The following FYB2 variants were observed in gnomAD, a reference collection of about 807,000 sequenced individuals.
FYB2 encodes FYN-binding protein 2.
In FYB2, 103 loss-of-function variants were observed where a neutral mutation model predicts 94.1. The ratio of observed to expected loss-of-function variants is 1.09; its 90% confidence interval spans 0.93 to 1.29. The LOEUF is 1.29. Ranked by LOEUF, FYB2 falls within the 50% of genes most tolerant of loss-of-function variation. FYB2 has a pLI of 0.00. For missense variants in FYB2, 896 were observed against 841.5 expected, an observed-to-expected ratio of 1.06 and a Z score of -0.80; for synonymous variants, 293 against 287.9, an observed-to-expected ratio of 1.02 and a Z score of -0.18.
At chr1:56,766,036 T>C (rs1208467091) in intron 5 of FYB2, among the ~76,000 whole-genome samples, 2 of 152,180 alleles carry the variant, frequency 1.3e-5, no homozygotes, top group Non-Finnish European at 2.9e-5. Flanking sequence ...CTGTGAATTC[T>C]TAGCCTTGTA....
intron 15 of FYB2, among the ~76,000 whole-genome samples, chr1:56,728,492 C>A (rs1569864557): frequency 6.6e-6 from 1 of 151,928 alleles, no homozygotes; most frequent in East Asian, 1.9e-4. Context: ...AGAAAACAGA[C>A]CATTACAATT....
rs749019083 is a variant in FYB2 at position 56,767,871 on chromosome 1, CAG to C, written c.1019_1020del (p.Ser340TrpfsTer5). On this transcript the variant is annotated frameshift_variant, in exon 5 of 20. Transcript: ENST00000343433. LOFTEE classifies it high-confidence loss of function. ...YEATISYLRH[S>X]GNSINLCTAK... The stretch of plus-strand genomic sequence containing the variant: ...GCAGTGCACAGGTTAATGGAGTTGC[CAG>C]AGTGTCTCAGATATGAAATTGTTGC... 6 of 1,612,350 alleles carry C rather than the reference CAG, an allele frequency of 3.7e-6. No homozygotes were observed. Among genetic ancestry groups the C allele is most frequent in the Non-Finnish European group, 5.1e-6 (6 of 1,179,294 alleles).
chr1:56,814,380 A>G (rs1451206406), intron 1 of FYB2, among the ~76,000 whole-genome samples: 2 of 152,190 alleles, frequency 1.3e-5, no homozygotes, highest in East Asian at 1.9e-4. Flanking sequence ...CCCCAGGGGA[A>G]ATGTGGGTGT....
In FYB2 at chr1:56,767,796, G is replaced by T; in HGVS notation, c.1063+33C>A. The stretch of plus-strand genomic sequence containing the variant: ...TTTTGACACATTTTCATTCCACACA[G>T]GGTTACACTATTAATTGGCTTAGCA... On this transcript the variant is annotated intron_variant, in intron 5 of 19. Transcript: ENST00000343433. 1 of 1,463,726 alleles carries T rather than the reference G, an allele frequency of 6.8e-7. No individual in the cohort carries two copies. Among genetic ancestry groups the T allele is most frequent in the South Asian group, 1.2e-5 (1 of 84,836 alleles). The allele number at this position is 1,463,726 out of a possible 1,614,324, so 90.7% of individuals were successfully genotyped here. A position where few individuals can be genotyped will look rare whatever the true frequency, so the allele number is the denominator to read the frequency against.
At chr1:56,728,660 A>G (rs1644637191) in intron 15 of FYB2, among the ~76,000 whole-genome samples, 1 of 152,148 alleles carries the variant, frequency 6.6e-6, no homozygotes, top group African/African-American at 2.4e-5. Flanking sequence ...AGGTAGAACT[A>G]TTCTTTTCTT....
chr1:56,735,589 C>A (rs1448565512), intron 15 of FYB2, among the ~76,000 whole-genome samples: 1 of 152,046 alleles, frequency 6.6e-6, no homozygotes, highest in African/African-American at 2.4e-5. Context: ...GAATTGTAAT[C>A]CCCATGTGTC....
At chr1:56,801,287 A>T (rs1646513395) in intron 1 of FYB2, among the ~76,000 whole-genome samples, 3 of 152,104 alleles carry the variant, frequency 2.0e-5, no homozygotes, top group African/African-American at 7.2e-5. Context: ...TTCTTAGCTC[A>T]TCACTGCTGC....
chr1:56,775,441 T>C (rs1397551452), intron 4 of FYB2, among the ~76,000 whole-genome samples: 2 of 152,158 alleles, frequency 1.3e-5, no homozygotes, highest in East Asian at 3.9e-4. Context: ...ATCTCATTCA[T>C]AAGGCAGGCA....
At chr1:56,816,945 C>G (rs955782716) in intron 1 of FYB2, among the ~76,000 whole-genome samples, 1 of 151,914 alleles carries the variant, frequency 6.6e-6, no homozygotes, top group Non-Finnish European at 1.5e-5. Context: ...CCACTTCTAG[C>G]CACTTCATTG....
chr1:56,750,703 G>A (rs6696458), intron 9 of FYB2, among the ~76,000 whole-genome samples: 31,313 of 151,836 alleles, frequency 0.21, 3,567 homozygotes, highest in East Asian at 0.41. Flanking sequence ...CATTTGCTGA[G>A]TACCTATCAT....
chr1:56,798,483 CAGA>C (rs1646450712), intron 1 of FYB2, among the ~76,000 whole-genome samples: 1 of 152,236 alleles, frequency 6.6e-6, no homozygotes, highest in African/African-American at 2.4e-5. Flanking sequence ...ATTGCTATTT[CAGA>C]AGAATGGAGA....
intron 14 of FYB2, 151 bp downstream of exon 14, chr1:56,738,474 A>AC: frequency 1.3e-6 from 1 of 788,274 alleles, no homozygotes; most frequent in East Asian, 2.7e-5. Flanking sequence ...AAAGTAAAAA[A>AC]ATACTTCCGT....
chr1:56,805,006 T>A (rs1043489864), intron 1 of FYB2, among the ~76,000 whole-genome samples: 7 of 152,198 alleles, frequency 4.6e-5, no homozygotes, highest in African/African-American at 1.7e-4. Context: ...CTGCTTTTCT[T>A]TGCCTGGCTA....
In FYB2 at chr1:56,774,701, A is replaced by C. The variant is rs141783604; in HGVS notation, c.954-6763T>G. Among the ~76,000 whole-genome samples, 76 of 152,254 alleles carry C rather than the reference A, an allele frequency of 5.0e-4. 1 individual carries two copies. The East Asian group carries it at 0.014, about 28-fold the overall frequency. ...TCGACTTGATTGGATTGAAGGATGC[A>C]AAGTATTGTGCCAGGGTGTGTCTGT... On this transcript the variant is annotated intron_variant, in intron 4 of 19. Transcript: ENST00000343433.
intron 4 of FYB2, among the ~76,000 whole-genome samples, chr1:56,771,621 G>T (rs954568487): frequency 1.3e-5 from 2 of 152,148 alleles, no homozygotes; most frequent in South Asian, 4.1e-4. Flanking sequence ...GTTAGGGTTA[G>T]GGTTAGGGTT....
At chr1:56,756,936 G>A (rs1645347693) in intron 6 of FYB2, among the ~76,000 whole-genome samples, 1 of 152,028 alleles carries the variant, frequency 6.6e-6, no homozygotes, top group Admixed American at 6.6e-5. Context: ...TGGTGTGAAG[G>A]GAACTAGTTC....
upstream of FYB2, among the ~76,000 whole-genome samples, chr1:56,823,480 G>A (rs1186271506): frequency 6.6e-6 from 1 of 152,156 alleles, no homozygotes; most frequent in Non-Finnish European, 1.5e-5. Context: ...TATCTTGGAG[G>A]TGTGTGGGTT....
At chr1:56,775,968 T>A (rs1267356442) in intron 4 of FYB2, among the ~76,000 whole-genome samples, 3 of 152,148 alleles carry the variant, frequency 2.0e-5, no homozygotes, top group African/African-American at 7.2e-5. Context: ...CATAATCCTC[T>A]CAGTAGCAGT....
At chr1:56,738,999 C>A (rs994088240) in intron 13 of FYB2, among the ~76,000 whole-genome samples, 1 of 151,956 alleles carries the variant, frequency 6.6e-6, no homozygotes, top group South Asian at 2.1e-4. Context: ...ATGAGAATGT[C>A]ATGTTCAAAG....
Sources: gnomAD v4.1 joint callset for allele counts (sites outside exome capture counted in the v4.1 genomes callset) on GRCh38, gnomAD v4.1.1 for gene constraint, MANE v1.5 for transcripts, NCBI Gene and HGNC (gene_info 2026-07-23, HGNC 2026-07-21) for gene names.